CHD1: variants seen among roughly 807,000 people sequenced by gnomAD.
CHD1 encodes chromodomain helicase DNA binding protein 1.
CHD1 carries 36 observed loss-of-function variants against 224.2 expected under a neutral mutation model. That is an observed-to-expected ratio of 0.16 (90% CI 0.12 to 0.21). The LOEUF (loss-of-function observed/expected upper bound fraction) is 0.21. CHD1 is among the 10% of genes least tolerant of loss of function. CHD1 has a pLI of 1.00. For missense variants in CHD1, 1,378 were observed against 1,994.8 expected (o/e 0.69, Z 5.89); for synonymous variants, 668 against 658.3 (o/e 1.01, Z -0.23).
In CHD1 at chr5:98,885,491, T is replaced by C. The variant is rs1580426794; in HGVS notation, c.2568+87A>G. The C allele has an allele frequency of 8.2e-6, 7 of 849,670 alleles. No homozygotes were observed. The East Asian group carries it at 1.7e-4, about 20-fold the overall frequency. 52.6% of individuals were successfully genotyped at this position (849,670 alleles called of 1,614,324 possible). On this transcript the variant is annotated intron_variant, in intron 18 of 35. Coordinates refer to ENST00000614616, the MANE Select transcript of CHD1 (RefSeq NM_001270.4). The stretch of plus-strand genomic sequence containing the variant: ...CACTCTTTTTTTATCAAACTAGATA[T>C]GAAGATTAAAAATGTCTGAATATAA...
At chr5:98,872,749 C>T (rs888392825) in intron 26 of CHD1, among the ~76,000 whole-genome samples, 194 bp from the exon 27 acceptor site, 6 of 152,034 alleles carry the variant, frequency 3.9e-5, no homozygotes, top group Admixed American at 6.6e-5. Context: ...TGCAAATTCA[C>T]GAAAAGTATT....
At chr5:98,892,459 G>T in intron 15 of CHD1, 66 bp downstream of exon 15, 1 of 1,205,726 alleles carries the variant, frequency 8.3e-7, no homozygotes, top group Non-Finnish European at 1.2e-6. Flanking sequence ...GGCACCAAAA[G>T]CAGGACACAG....
rs562180754 is a variant in CHD1, at chr5:98,885,173, C to A, written c.2568+405G>T. Among the ~76,000 whole-genome samples the A allele has an allele frequency of 2.6e-5, 4 of 152,264 alleles. 1 individual carries two copies. The South Asian group carries it at 8.3e-4, about 32-fold the overall frequency. On this transcript the variant is annotated intron_variant, in intron 18 of 35. Transcript: ENST00000614616. ...TTGGGAGGCTGAGGCAGGTGGATCACCTGAGGTCAGGAGTTCAAGACCGGC... is the reference window on the plus strand; with the variant it reads ...TTGGGAGGCTGAGGCAGGTGGATCAACTGAGGTCAGGAGTTCAAGACCGGC...
chr5:98,873,519 A>G lies in CHD1; in HGVS notation c.3571+74T>C. On this transcript the variant is annotated intron_variant, in intron 26 of 35. Coordinates refer to ENST00000614616, the MANE Select transcript of CHD1 (RefSeq NM_001270.4). Reference sequence around the variant, plus strand: ...TGATGAATAAATAATTTAAGATATAATATCTAGCTCAATAAAGCATATTTT... The same window carrying G: ...TGATGAATAAATAATTTAAGATATAGTATCTAGCTCAATAAAGCATATTTT... The G allele has an allele frequency of 2.6e-6, 3 of 1,136,354 alleles. 1 individual carries two copies. Among genetic ancestry groups the G allele is most frequent in the Middle Eastern group, 4.2e-4 (2 of 4,718 alleles). 70.4% of individuals were successfully genotyped at this position (1,136,354 alleles called of 1,614,324 possible).
chr5:98,897,326 G>A lies in CHD1; in HGVS notation c.1366-6C>T, dbSNP rs774223665. 3.2e-6 allele frequency: 5 copies of A among 1,572,902 alleles called. No homozygotes were observed. The highest frequency in any genetic ancestry group is 4.3e-6 in the Non-Finnish European group (5 of 1,152,404). ...CTTGGCCTTTGTTTTAATACCTTTA[G>A]TAGAAATAAACATTATTATGTAGAG... On this transcript the variant is annotated splice_region_variant and splice_polypyrimidine_tract_variant and intron_variant, in intron 10 of 35. Coordinates refer to ENST00000614616, the MANE Select transcript of CHD1 (RefSeq NM_001270.4).
rs199701908 is a variant in CHD1, at chr5:98,896,447, A to G, written c.1494-5T>C. 9.4e-6 allele frequency: 15 copies of G among 1,593,584 alleles called. No homozygotes were observed. Among genetic ancestry groups the G allele is most frequent in the African/African-American group, 5.4e-5 (4 of 74,094 alleles). On this transcript the variant is annotated splice_region_variant and splice_polypyrimidine_tract_variant and intron_variant, in intron 11 of 35. Transcript: ENST00000614616. The stretch of plus-strand genomic sequence containing the variant: ...GCGAGTATGCAACTATTTCCTCTAC[A>G]AAGTTAAAAAAAAATTAGCATGCAA...
intron 5 of CHD1, 82 bp from the exon 6 acceptor site, chr5:98,901,417 C>A: frequency 1.8e-6 from 2 of 1,109,318 alleles, no homozygotes; most frequent in Non-Finnish European, 2.5e-6. Flanking sequence ...TCAAATCAAC[C>A]AAACTATATT....
At chr5:98,927,566 G>T (rs1271862504) in intron 1 of CHD1, among the ~76,000 whole-genome samples, 1 of 152,230 alleles carries the variant, frequency 6.6e-6, no homozygotes, top group African/African-American at 2.4e-5. Context: ...CTGTCCAGTA[G>T]ACTCTGCAAG....
At chr5:98,921,712 A>T (rs1753107305) in intron 2 of CHD1, among the ~76,000 whole-genome samples, 1 of 152,244 alleles carries the variant, frequency 6.6e-6, no homozygotes, top group African/African-American at 2.4e-5. Flanking sequence ...GCAGAGTAAA[A>T]GGGGTAACAT....
At chr5:98,858,913 T>TA in intron 34 of CHD1, 51 bp downstream of exon 34, 11 of 1,331,732 alleles carry the variant, frequency 8.3e-6, no homozygotes, top group South Asian at 1.6e-5. Context: ...AAACAAAAAT[T>TA]TAAAAAAAAT....
At chr5:98,870,654 A>T (rs1749262607) in intron 29 of CHD1, 33 bp downstream of exon 29, 2 of 1,280,220 alleles carry the variant, frequency 1.6e-6, no homozygotes, top group Admixed American at 2.2e-5. Context: ...ACTAAAAAGT[A>T]AACTGGTCTT....
intron 22 of CHD1, 114 bp downstream of exon 22, chr5:98,880,962 A>C: frequency 1.4e-6 from 1 of 711,496 alleles, no homozygotes; most frequent in East Asian, 2.8e-5. Context: ...TAGTTTTTAC[A>C]TAACACAGCA....
chr5:98,885,605 T>C lies in CHD1; in HGVS notation c.2541A>G (p.Leu847=), dbSNP rs779439854. Residue 847 remains leucine, a synonymous_variant, in exon 18 of 36, where the codon CTA becomes CTG. Coordinates refer to ENST00000614616, the MANE Select transcript of CHD1 (RefSeq NM_001270.4). ...SIKGELRKQA[L]DHFNAEGSED... ...CTGATCCCTCAGCATTAAAATGATC[T>C]AGAGCTTGTTTCCTCAGTTCTCCTT... is the stretch of plus-strand genomic sequence containing the variant. The C allele has an allele frequency of 1.2e-6, 2 of 1,602,624 alleles. No homozygotes were observed.
rs1301569209 is a variant in CHD1 at position 98,856,092 on chromosome 5, T to C, written c.*288A>G. On this transcript the variant is annotated 3_prime_UTR_variant, in exon 36 of 36. Coordinates refer to ENST00000614616, the MANE Select transcript of CHD1 (RefSeq NM_001270.4). ...TAAAAACAGTTTTATCCAGCCTGTA[T>C]GGGAGGGCAGTGTTGAGGTCCCTGT... 11 of 217,866 alleles carry C rather than the reference T, an allele frequency of 5.0e-5. No homozygotes were observed. In the East Asian group the frequency reaches 1.0e-3, roughly 20 times the overall value. The allele number at this position is 217,866 out of a possible 1,614,324, so 13.5% of individuals were successfully genotyped here.
rs112354235 is a variant in CHD1, at chr5:98,917,202, T to C, written c.53+9132A>G. ...TGCTTTTTGCTTAAGCCTGTCTAAA[T>C]GCCTTACCACCAAAGTCACATCACC... On this transcript the variant is annotated intron_variant, in intron 2 of 35. Coordinates refer to ENST00000614616, the MANE Select transcript of CHD1 (RefSeq NM_001270.4). 5.6e-3 allele frequency among the ~76,000 whole-genome samples: 842 copies of C among 151,202 alleles called. 8 individuals carry two copies. The highest frequency in any genetic ancestry group is 0.019 in the African/African-American group (780 of 40,986).
intron 5 of CHD1, among the ~76,000 whole-genome samples, chr5:98,901,731 T>C (rs1751726681): frequency 6.9e-6 from 1 of 145,300 alleles, no homozygotes; most frequent in Non-Finnish European, 1.5e-5. Context: ...GCACGTTCAT[T>C]AAGAAACATA....
intron 5 of CHD1, among the ~76,000 whole-genome samples, chr5:98,901,676 T>C (rs1751723304): frequency 1.3e-5 from 2 of 151,840 alleles, no homozygotes; most frequent in African/African-American, 4.8e-5. Flanking sequence ...CCTCGAGAGG[T>C]TGTGATTTTG....
At chr5:98,862,741 A>G (rs1292372167) in intron 32 of CHD1, among the ~76,000 whole-genome samples, 2 of 152,222 alleles carry the variant, frequency 1.3e-5, no homozygotes, top group Non-Finnish European at 1.5e-5. Flanking sequence ...TGGTGAAGAT[A>G]CAACTAAGTA....
chr5:98,911,929 G>T (rs1325941364), intron 2 of CHD1, among the ~76,000 whole-genome samples: 1 of 152,142 alleles, frequency 6.6e-6, no homozygotes, highest in African/African-American at 2.4e-5. Flanking sequence ...CTGGAATGCA[G>T]ACTGAGAATT....
Sources: gnomAD v4.1 joint callset for allele counts (sites outside exome capture counted in the v4.1 genomes callset) on GRCh38, gnomAD v4.1.1 for gene constraint, MANE v1.5 for transcripts, NCBI Gene and HGNC (gene_info 2026-07-23, HGNC 2026-07-21) for gene names.